The following ZNF609 variants were observed in gnomAD, a reference collection of about 807,000 sequenced individuals.
The protein encoded by ZNF609 is zinc finger protein 609.
Under a neutral mutation model 109.5 loss-of-function variants are expected in ZNF609, and 11 were observed. The observed-to-expected ratio is 0.10, with a 90% CI of 0.06 to 0.17. ZNF609 has a LOEUF of 0.17. Ranked by LOEUF, ZNF609 falls within the 10% of genes least tolerant of loss-of-function variation. The pLI, the probability that ZNF609 is intolerant of heterozygous loss-of-function variation, is 1.00. For synonymous variants in ZNF609, 646 were observed against 662.0 expected, an observed-to-expected ratio of 0.98 and a Z score of 0.37; for missense variants, 1,559 against 1,772.4, an observed-to-expected ratio of 0.88 and a Z score of 2.16.
intron 2 of ZNF609, among the ~76,000 whole-genome samples, chr15:64,537,520 AAG>A (rs1229546737): frequency 4.0e-5 from 6 of 151,736 alleles, no homozygotes; most frequent in Admixed American, 1.3e-4. Context: ...AAAAAAGAAA[AAG>A]AAAAAAAAGA....
intron 3 of ZNF609, among the ~76,000 whole-genome samples, chr15:64,637,222 T>C (rs1031888436): frequency 1.3e-5 from 2 of 152,222 alleles, no homozygotes; most frequent in East Asian, 3.8e-4. Context: ...TATTGTTACA[T>C]GTTGTTAAAC....
At chr15:64,557,426 TAC>T (rs1365194242) in intron 2 of ZNF609, among the ~76,000 whole-genome samples, 1 of 152,120 alleles carries the variant, frequency 6.6e-6, no homozygotes, top group Non-Finnish European at 1.5e-5. Flanking sequence ...TGAAGTATGA[TAC>T]AGAGTGTGAA....
At chr15:64,633,197 G>C (rs577664668) in intron 3 of ZNF609, among the ~76,000 whole-genome samples, 1 of 151,846 alleles carries the variant, frequency 6.6e-6, no homozygotes, top group East Asian at 1.9e-4. Flanking sequence ...GCCCAGGCTG[G>C]AGTGCAGTGG....
At chr15:64,602,529 G>C (rs767219483) in intron 2 of ZNF609, among the ~76,000 whole-genome samples, 11 of 152,178 alleles carry the variant, frequency 7.2e-5, no homozygotes, top group South Asian at 4.2e-4. Context: ...TTATCGTTAT[G>C]ATGATTATTA....
At chr15:64,659,190 G>T (rs1439880465) in intron 3 of ZNF609, among the ~76,000 whole-genome samples, 1 of 152,090 alleles carries the variant, frequency 6.6e-6, no homozygotes, top group Non-Finnish European at 1.5e-5. Flanking sequence ...GTTCAAAAGA[G>T]GTATAAAACG....
chr15:64,487,913 C>T (rs879460482), intron 1 of ZNF609, among the ~76,000 whole-genome samples: 9 of 152,148 alleles, frequency 5.9e-5, no homozygotes, highest in East Asian at 1.9e-4. Context: ...GGATTACAGG[C>T]GTGAACCACC....
In ZNF609 at chr15:64,500,002, G is replaced by A. The variant is rs1189323271; in HGVS notation, c.583G>A (p.Gly195Ser). 1.2e-6 allele frequency: 2 copies of A among 1,614,160 alleles called. No individual in the cohort carries two copies. Among genetic ancestry groups the A allele is most frequent in the African/African-American group, 1.3e-5 (1 of 75,036 alleles). ...CCAGCCAGTTCCCTTGGGAGGACGG[G>A]GTGGTCAGTATGATGGAAGTGCAGG... ...VLQPVPLGGR[G>S]GQYDGSAGVD... is the part of the protein sequence containing the mutation. Residue 195 changes from glycine to serine, a missense_variant, in exon 2 of 10, where the codon GGT (glycine) becomes AGT (serine). Gly to Ser is a moderately conservative substitution (Grantham distance 56, BLOSUM62 0). This residue lies in a region of ZNF609 where 291 missense variants were observed against 317.8 expected (regional missense o/e 0.92). Transcript: ENST00000326648.
intron 3 of ZNF609, among the ~76,000 whole-genome samples, chr15:64,632,476 T>C (rs1457019190): frequency 6.6e-6 from 1 of 152,006 alleles, no homozygotes; most frequent in Non-Finnish European, 1.5e-5. Context: ...TTGTTTTTAT[T>C]TTATTTTTTA....
At chr15:64,653,697 T>G (rs1896449552) in intron 3 of ZNF609, among the ~76,000 whole-genome samples, 1 of 152,154 alleles carries the variant, frequency 6.6e-6, no homozygotes, top group Non-Finnish European at 1.5e-5. Flanking sequence ...ATGACATGTT[T>G]ATTCAACCCC....
chr15:64,531,304 A>G (rs1005982324), intron 2 of ZNF609, among the ~76,000 whole-genome samples: 6 of 152,218 alleles, frequency 3.9e-5, no homozygotes, highest in East Asian at 1.9e-4. Context: ...CAGCTGCCCT[A>G]TGAACTGCCC....
intron 3 of ZNF609, among the ~76,000 whole-genome samples, chr15:64,642,248 A>G (rs949247417): frequency 6.6e-6 from 1 of 152,060 alleles, no homozygotes; most frequent in Admixed American, 6.6e-5. Context: ...CAGTGGTGCA[A>G]TCATGGCTCA....
At chr15:64,554,966 T>C (rs1474405835) in intron 2 of ZNF609, among the ~76,000 whole-genome samples, 1 of 151,698 alleles carries the variant, frequency 6.6e-6, no homozygotes, top group African/African-American at 2.4e-5. Context: ...CACAGTGATG[T>C]GCGCCTGTAA....
chr15:64,644,462 T>C (rs926623695), intron 3 of ZNF609, among the ~76,000 whole-genome samples: 1 of 152,158 alleles, frequency 6.6e-6, no homozygotes, highest in Non-Finnish European at 1.5e-5. Context: ...CACTCCAGTC[T>C]AGGCGACAAG....
In ZNF609 at chr15:64,570,161, G is replaced by T. The variant is rs185828606; in HGVS notation, c.748-52666G>T. Among the ~76,000 whole-genome samples the T allele has an allele frequency of 3.0e-4, 46 of 152,304 alleles. 1 individual carries two copies. The highest frequency in any genetic ancestry group is 6.3e-4 in the Non-Finnish European group (43 of 68,030). ...AGGCGTGAGCCACTGTGCCTGACTG[G>T]CCGAGAGCTCTCTTATTCCCACTTT... is the stretch of plus-strand genomic sequence containing the variant. On this transcript the variant is annotated intron_variant, in intron 2 of 9. Transcript: ENST00000326648.
chr15:64,483,972 C>T (rs1893294406), intron 1 of ZNF609, among the ~76,000 whole-genome samples: 1 of 150,542 alleles, frequency 6.6e-6, no homozygotes, highest in African/African-American at 2.4e-5. Flanking sequence ...GTTTTTTTTT[C>T]CCCCATTGCA....
rs1445836162 is a variant in ZNF609 at position 64,531,538 on chromosome 15, CAA to C, written c.747+31374_747+31375del. On this transcript the variant is annotated intron_variant, in intron 2 of 9. Transcript: ENST00000326648. ...TCAGCCTACCAAGTAGCTGGGACTA[CAA>C]ATGTGAGCCACCATGCCCAGCTAAT... Among the ~76,000 whole-genome samples the C allele has an allele frequency of 3.9e-5, 6 of 152,240 alleles. No homozygotes were observed. In the East Asian group the frequency reaches 1.2e-3, roughly 29 times the overall value.
chr15:64,590,110 G>A (rs1050349068), intron 2 of ZNF609, among the ~76,000 whole-genome samples: 1 of 152,084 alleles, frequency 6.6e-6, no homozygotes, highest in African/African-American at 2.4e-5. Flanking sequence ...ATCTTTCCTG[G>A]CTGCCAACTA....
intron 2 of ZNF609, among the ~76,000 whole-genome samples, chr15:64,609,681 A>ATT (rs113533250): frequency 4.9e-5 from 7 of 142,340 alleles, no homozygotes; most frequent in South Asian, 2.2e-4. Context: ...TAAGGTTCTC[A>ATT]TTTTTTTTTT....
At chr15:64,656,853 C>T (rs896441196) in intron 3 of ZNF609, among the ~76,000 whole-genome samples, 2 of 151,878 alleles carry the variant, frequency 1.3e-5, no homozygotes, top group Non-Finnish European at 2.9e-5. Flanking sequence ...ATCCATTCTC[C>T]GACACCACCC....
Sources: gnomAD v4.1 joint callset for allele counts (sites outside exome capture counted in the v4.1 genomes callset) on GRCh38, gnomAD v4.1.1 for gene constraint, gnomAD v4.1.1 regional missense constraint, MANE v1.5 for transcripts, NCBI Gene and HGNC (gene_info 2026-07-23, HGNC 2026-07-21) for gene names.